Variants in CPAMD8 observed in about 807,000 individuals in gnomAD.
The protein encoded by CPAMD8 is C3 and PZP like alpha-2-macroglobulin domain containing 8, also known as C3 and PZP-like alpha-2-macroglobulin domain-containing protein 8.
In CPAMD8, 146 loss-of-function variants were observed where a neutral mutation model predicts 224.7. The ratio of observed to expected loss-of-function variants is 0.65; its 90% CI spans 0.57 to 0.75. The LOEUF is 0.75. Among genes scored for constraint, CPAMD8 ranks in the 30% least tolerant of loss-of-function variants. The pLI is 0.00. For synonymous variants in CPAMD8, 966 were observed against 1,044.6 expected (o/e 0.92, Z 1.45); for missense variants, 2,301 against 2,537.5 (o/e 0.91, Z 2.00).
chr19:16,974,999 A>G, intron 17 of CPAMD8, 98 bp downstream of exon 17: 2 of 1,448,222 alleles, frequency 1.4e-6, no homozygotes, highest in East Asian at 4.8e-5. Context: ...AAAGCTTCCA[A>G]TTCTGTTTCC....
In CPAMD8 at chr19:16,902,796, T is replaced by C. The variant is rs1162923373; in HGVS notation, c.4538A>G (p.Gln1513Arg). The change falls in exon 35 of 42, where the codon CAG (glutamine) becomes CGG (arginine). Residue 1513 changes from glutamine to arginine, a missense_variant. Coordinates refer to ENST00000443236, the MANE Select transcript of CPAMD8 (RefSeq NM_015692.5). ...KPAFQLLVSL[Q>R]EPEAQGRPPP... ...CGGGCGTCCCTGGGCCTCAGGCTCC[T>C]GGAGGCTTACGAGCAGCTGGAAAGC... 5.7e-6 allele frequency: 9 copies of C among 1,583,120 alleles called. No homozygotes were observed. The Admixed American group carries it at 1.1e-4, about 19-fold the overall frequency.
intron 23 of CPAMD8, among the ~76,000 whole-genome samples, chr19:16,935,410 C>T (rs1199708362): frequency 6.6e-6 from 1 of 152,166 alleles, no homozygotes; most frequent in Non-Finnish European, 1.5e-5. Context: ...TATCCATCCC[C>T]TACTTCCTTC....
chr19:17,020,502 G>A (rs2056926472), intron 2 of CPAMD8, 149 bp from the exon 3 acceptor site: 2 of 650,938 alleles, frequency 3.1e-6, no homozygotes, highest in Non-Finnish European at 5.5e-6. Flanking sequence ...CCTGGACTGG[G>A]CCAGGCTAGG....
chr19:17,005,124 C>A (rs896797649), intron 7 of CPAMD8, among the ~76,000 whole-genome samples: 1 of 151,044 alleles, frequency 6.6e-6, no homozygotes, highest in Non-Finnish European at 1.5e-5. Flanking sequence ...CTGGCCTCCA[C>A]TCACCAAAGG....
chr19:16,995,470 T>C (rs1289305873), intron 11 of CPAMD8, among the ~76,000 whole-genome samples: 2 of 152,210 alleles, frequency 1.3e-5, no homozygotes, highest in Admixed American at 6.5e-5. Context: ...GGTGTGATCT[T>C]GGCTCACTGC....
At chr19:16,938,491 G>A in intron 22 of CPAMD8, 45 bp from the exon 23 acceptor site, 2 of 1,160,612 alleles carry the variant, frequency 1.7e-6, no homozygotes, top group Non-Finnish European at 2.5e-6. Flanking sequence ...GGCGGTGAGG[G>A]GGATGGTCAG....
In CPAMD8 at chr19:16,919,881, C is replaced by A. The variant is rs535494503; in HGVS notation, c.3629+2024G>T. Among the ~76,000 whole-genome samples the A allele has an allele frequency of 2.6e-5, 4 of 152,312 alleles. No individual in the cohort carries two copies. In the South Asian group the frequency reaches 6.2e-4, roughly 24 times the overall value. ...TTATGGTAAGTAGTTAGGGGAGGTGCTAACAGGACGGCACTGCACTGAGTG... is the reference window on the plus strand; with the variant it reads ...TTATGGTAAGTAGTTAGGGGAGGTGATAACAGGACGGCACTGCACTGAGTG... On this transcript the variant is annotated intron_variant, in intron 27 of 41. Transcript: ENST00000443236.
At chr19:16,948,604 G>T (rs989322651) in intron 20 of CPAMD8, among the ~76,000 whole-genome samples, 1 of 151,558 alleles carries the variant, frequency 6.6e-6, no homozygotes, top group Non-Finnish European at 1.5e-5. Context: ...GCGTAGTGCT[G>T]GGCACCTGTA....
At chr19:16,993,885 C>T (rs1271559051) in intron 11 of CPAMD8, among the ~76,000 whole-genome samples, 1 of 152,130 alleles carries the variant, frequency 6.6e-6, no homozygotes, top group Non-Finnish European at 1.5e-5. Flanking sequence ...CACCTATAAT[C>T]CCATGTGAGG....
Position 16,925,317 on chromosome 19 carries a change from A to C in CPAMD8, c.3426T>G (p.Phe1142Leu). 6.2e-7 allele frequency: 1 copy of C among 1,614,242 alleles called. No individual in the cohort carries two copies. Among genetic ancestry groups the C allele is most frequent in the Non-Finnish European group, 8.5e-7 (1 of 1,180,028 alleles). ...GGATCATGTTCTGCTCTCCACAGCC[A>C]AACGGCAGCCGCAGGAGGTTGTTGA... ...NHLNNLLRLP[F>L]GCGEQNMIHF... Residue 1142 changes from phenylalanine to leucine, a missense_variant, in exon 26 of 42, where the codon TTT becomes TTG. By Grantham distance (22) the Phe-to-Leu change is conservative (BLOSUM62 0). Transcript: ENST00000443236.
chr19:17,004,199 C>T (rs140832926), intron 8 of CPAMD8, 74 bp downstream of exon 8: 21 of 1,046,120 alleles, frequency 2.0e-5, no homozygotes, highest in Middle Eastern at 6.1e-4. Context: ...AGCCCTTGCA[C>T]CCGGCCTTCT....
chr19:16,998,334 C>G, intron 10 of CPAMD8, among the ~76,000 whole-genome samples: 1 of 152,138 alleles, frequency 6.6e-6, no homozygotes, highest in East Asian at 1.9e-4. Context: ...GTGGCACATG[C>G]CTGTAATCAC....
chr19:16,896,341 G>A lies in CPAMD8; in HGVS notation c.5276-15C>T. On this transcript the variant is annotated splice_polypyrimidine_tract_variant and intron_variant, in intron 40 of 41. Coordinates refer to ENST00000443236, the MANE Select transcript of CPAMD8 (RefSeq NM_015692.5). Reference sequence around the variant, plus strand: ...CAGCCGCTGCTCTGGAAGGAAGGGGGCCTCGGTCGGGAGGGCGTGGCGGGG... The same window carrying A: ...CAGCCGCTGCTCTGGAAGGAAGGGGACCTCGGTCGGGAGGGCGTGGCGGGG... The A allele has an allele frequency of 1.3e-6, 2 of 1,592,244 alleles. No homozygotes were observed. Among genetic ancestry groups the A allele is most frequent in the Non-Finnish European group, 1.7e-6 (2 of 1,168,932 alleles).
In CPAMD8 at chr19:16,975,251, T is replaced by G; in HGVS notation, c.1916A>C (p.Gln639Pro). The change falls in exon 17 of 42, where the codon CAG (glutamine) becomes CCG (proline). Residue 639 changes from glutamine (Q) to proline (P), a missense_variant. Physicochemically the swap from Gln to Pro is moderately conservative, Grantham distance 76. Coordinates refer to ENST00000443236, the MANE Select transcript of CPAMD8 (RefSeq NM_015692.5). ...AGAAACATCATAATCTTCCAGTTCC[T>G]GGAAAACCTGCAGGCAAAGGGGGAC... ...GFRLTPAQVF[Q>P]ELEDYDVSDS... is the part of the protein sequence containing the mutation. 2 of 1,602,346 alleles carry G rather than the reference T, an allele frequency of 1.2e-6. No individual in the cohort carries two copies. The highest frequency in any genetic ancestry group is 1.1e-5 in the South Asian group (1 of 89,146).
intron 5 of CPAMD8, among the ~76,000 whole-genome samples, chr19:17,010,144 T>C (rs2056607235): frequency 6.6e-6 from 1 of 152,104 alleles, no homozygotes; most frequent in South Asian, 2.1e-4. Context: ...AGAAACATGC[T>C]ATAAAGGTTA....
chr19:16,973,922 C>T (rs1225025863), intron 17 of CPAMD8, among the ~76,000 whole-genome samples: 4 of 149,754 alleles, frequency 2.7e-5, no homozygotes, highest in Non-Finnish European at 4.4e-5. Context: ...CTCCACCTCC[C>T]GGGCTCAAGT....
intron 5 of CPAMD8, among the ~76,000 whole-genome samples, chr19:17,010,075 C>T (rs551543124): frequency 2.0e-4 from 30 of 152,204 alleles, no homozygotes; most frequent in Non-Finnish European, 2.8e-4. Flanking sequence ...TTAAAGGAGA[C>T]CAAGAGACAT....
At chr19:16,908,958 C>A (rs527812894) in intron 29 of CPAMD8, among the ~76,000 whole-genome samples, 1 of 152,286 alleles carries the variant, frequency 6.6e-6, no homozygotes, top group East Asian at 1.9e-4. Flanking sequence ...GGAGACCACA[C>A]CAAGCAGGGA....
intron 23 of CPAMD8, among the ~76,000 whole-genome samples, chr19:16,933,411 G>A (rs1243065534): frequency 6.6e-6 from 1 of 152,104 alleles, no homozygotes; most frequent in Non-Finnish European, 1.5e-5. Flanking sequence ...CACGGTCTGG[G>A]AGAAATATTT....
Sources: allele counts gnomAD v4.1 joint callset (sites outside exome capture counted in the v4.1 genomes callset), GRCh38; gene constraint gnomAD v4.1.1; transcripts MANE v1.5; gene names NCBI Gene and HGNC (gene_info 2026-07-23, HGNC 2026-07-21).